Variants in IQCH observed in about 807,000 individuals in gnomAD.
IQCH encodes IQ motif containing H.
IQCH carries 98 observed loss-of-function variants against 117.0 expected under a neutral mutation model. That is an observed-to-expected ratio of 0.84 (90% CI 0.71 to 0.99). The LOEUF is 0.99. IQCH is among the 50% of genes least tolerant of loss of function. IQCH has a pLI of 0.00. For synonymous variants in IQCH, 412 were observed against 448.2 expected (o/e 0.92, Z 1.02); for missense variants, 1,102 against 1,243.8 (o/e 0.89, Z 1.72).
intron 4 of IQCH, among the ~76,000 whole-genome samples, chr15:67,307,388 A>G (rs1017190890): frequency 4.0e-5 from 6 of 151,766 alleles, no homozygotes; most frequent in Non-Finnish European, 5.9e-5. Flanking sequence ...GGGTGTACAT[A>G]GTAATCTCTC....
In IQCH at chr15:67,433,470, T is replaced by C. The variant is rs4776930; in HGVS notation, c.2505+11893T>C. 1 allele frequency among the ~76,000 whole-genome samples: 151,772 copies of C among 152,338 alleles called. 75,608 individuals carry two copies. Among genetic ancestry groups the C allele is most frequent in the Middle Eastern group, 1 (294 of 294 alleles). The stretch of plus-strand genomic sequence containing the variant: ...GAGAAATATTGAACCCAAGCCTAAA[T>C]ATCAGCTCTTGGGTAGGATTTTGGT... On this transcript the variant is annotated intron_variant, in intron 16 of 20. Coordinates refer to ENST00000335894, the MANE Select transcript of IQCH (RefSeq NM_001031715.3). The surrounding 1 kb of genome is among the most constrained non-coding windows in gnomAD (Gnocchi z 5.4).
intron 3 of IQCH, among the ~76,000 whole-genome samples, chr15:67,271,087 G>A (rs973269217): frequency 6.6e-6 from 1 of 152,148 alleles, no homozygotes; most frequent in African/African-American, 2.4e-5. Flanking sequence ...TCCTGCCTCA[G>A]CCTCCCAAGT....
intron 17 of IQCH, among the ~76,000 whole-genome samples, chr15:67,470,166 T>C (rs2083034393): frequency 6.6e-6 from 1 of 152,112 alleles, no homozygotes; most frequent in African/African-American, 2.4e-5. Flanking sequence ...GTCTTAGGGT[T>C]TTTTTGTTTG....
chr15:67,418,513 C>CCACACACACACACACACACACACACA (rs368875296), intron 15 of IQCH, among the ~76,000 whole-genome samples: 2 of 114,092 alleles, frequency 1.8e-5, no homozygotes, highest in Admixed American at 2.0e-4. Context: ...CAAGTGGCTA[C>CCACACACACACACACACACACACACA]CACACACACA....
intron 1 of IQCH, among the ~76,000 whole-genome samples, chr15:67,259,394 T>C (rs1481029099): frequency 6.6e-6 from 1 of 152,246 alleles, no homozygotes; most frequent in Non-Finnish European, 1.5e-5. Context: ...AGGGTAATTC[T>C]TTTTTATCCT....
intron 10 of IQCH, among the ~76,000 whole-genome samples, chr15:67,383,379 A>C (rs1280584432): frequency 6.6e-6 from 1 of 152,180 alleles, no homozygotes; most frequent in Non-Finnish European, 1.5e-5. Context: ...TGGAACACAG[A>C]CTTATTCACT....
intron 18 of IQCH, among the ~76,000 whole-genome samples, chr15:67,484,897 T>C (rs2083433259): frequency 6.6e-6 from 1 of 151,656 alleles, no homozygotes; most frequent in Non-Finnish European, 1.5e-5. Flanking sequence ...ATGACCATCA[T>C]CCAATTAAAA....
At chr15:67,438,621 AG>A (rs2082194319) in intron 16 of IQCH, among the ~76,000 whole-genome samples, 1 of 152,256 alleles carries the variant, frequency 6.6e-6, no homozygotes, top group South Asian at 2.1e-4. Context: ...ACAGAACTGT[AG>A]AATGGATAAG....
At position 67,366,898 on chromosome 15, in the gene IQCH, G is replaced by GA. The variant is rs950550724; in HGVS notation, c.754-5206dup. ...GTTTTCTATCTGAAAAATAGAATAC[G>GA]AAAAAAATCCCCCAGGTTTTTTTCA... is the stretch of plus-strand genomic sequence containing the variant. On this transcript the variant is annotated intron_variant, in intron 8 of 20. Transcript: ENST00000335894. This position sits in a 1 kb window ranked among gnomAD's most constrained non-coding sequence, Gnocchi z 4.4. Among the ~76,000 whole-genome samples the GA allele has an allele frequency of 7.2e-5, 11 of 152,154 alleles. No homozygotes were observed. Among genetic ancestry groups the GA allele is most frequent in the African/African-American group, 1.9e-4 (8 of 41,516 alleles).
chr15:67,295,090 T>G (rs1966844058), intron 4 of IQCH, among the ~76,000 whole-genome samples: 1 of 152,170 alleles, frequency 6.6e-6, no homozygotes, highest in Non-Finnish European at 1.5e-5. Context: ...GACGGCTATT[T>G]TAAACTTTCT....
At chr15:67,293,466 A>G (rs2140508516) in intron 4 of IQCH, among the ~76,000 whole-genome samples, 1 of 152,330 alleles carries the variant, frequency 6.6e-6, no homozygotes, top group South Asian at 2.1e-4. Context: ...GTACACTTTA[A>G]ATAATCGCTA....
intron 4 of IQCH, chr15:67,281,550 A>G: frequency 2.8e-6 from 1 of 351,266 alleles, no homozygotes; most frequent in Non-Finnish European, 5.6e-6. Flanking sequence ...GTGTAGATGC[A>G]GCCTCCTTCA....
chr15:67,388,953 G>A lies in IQCH; in HGVS notation c.1579G>A (p.Asp527Asn). The change falls in exon 12 of 21, where the codon GAC becomes AAC. Residue 527 changes from aspartate (D) to asparagine (N), a missense_variant. By Grantham distance (23) the Asp-to-Asn change is conservative (BLOSUM62 1). Around this residue, in one of 2 missense-constraint regions of IQCH, gnomAD observed 650 missense variants for 794.3 expected, o/e 0.82. Coordinates refer to ENST00000335894, the MANE Select transcript of IQCH (RefSeq NM_001031715.3). The surrounding 1 kb of genome is among the most constrained non-coding windows in gnomAD (Gnocchi z 5.5). ...VKSGNLEDRSDLQDRFKIITP... is the reference protein window; with the variant it reads ...VKSGNLEDRSNLQDRFKIITP... ...ATCTGGGAACCTTGAGGACAGAAGT[G>A]ACCTGCAGGACAGGTTCAAAATTAT... is the stretch of plus-strand genomic sequence containing the variant. 1 of 1,613,982 alleles carries A rather than the reference G, an allele frequency of 6.2e-7. No individual in the cohort carries two copies. The highest frequency in any genetic ancestry group is 8.5e-7 in the Non-Finnish European group (1 of 1,179,906).
At position 67,385,016 on chromosome 15, in the gene IQCH, T is replaced by G. The variant is rs1971065889; in HGVS notation, c.1453T>G (p.Leu485Val). 6.3e-7 allele frequency: 1 copy of G among 1,583,110 alleles called. No individual in the cohort carries two copies. Among genetic ancestry groups the G allele is most frequent in the Non-Finnish European group, 8.7e-7 (1 of 1,152,230 alleles). Residue 485 changes from leucine (L) to valine (V), a missense_variant, in exon 11 of 21, where the codon TTA (leucine) becomes GTA (valine). Leu to Val is a conservative substitution (Grantham distance 32). Around this residue, in one of 2 missense-constraint regions of IQCH, gnomAD observed 650 missense variants for 794.3 expected, o/e 0.82. Coordinates refer to ENST00000335894, the MANE Select transcript of IQCH (RefSeq NM_001031715.3). The surrounding 1 kb of genome is among the most constrained non-coding windows in gnomAD (Gnocchi z 4.6). Reference protein sequence around the residue: ...NMQLGRLCDILDANVNVIYIC... With the variant: ...NMQLGRLCDIVDANVNVIYIC... ...GCAGCTGGGGAGGCTGTGTGACATC[T>G]TAGGTACAGTAAATAGTTTTACACA...
chr15:67,271,984 C>G (rs1965915730), intron 3 of IQCH, among the ~76,000 whole-genome samples: 1 of 151,886 alleles, frequency 6.6e-6, no homozygotes, highest in Non-Finnish European at 1.5e-5. Context: ...TCTTGCTTTT[C>G]TAATTCCTGG....
chr15:67,312,356 C>G (rs1167035828), intron 4 of IQCH, among the ~76,000 whole-genome samples: 1 of 152,090 alleles, frequency 6.6e-6, no homozygotes, highest in African/African-American at 2.4e-5. Context: ...GAGAAGGGGT[C>G]TGTAGGCTTC....
chr15:67,469,618 GC>G (rs2083020070), intron 17 of IQCH, among the ~76,000 whole-genome samples: 1 of 152,194 alleles, frequency 6.6e-6, no homozygotes, highest in Non-Finnish European at 1.5e-5. Context: ...CTTACCCAAT[GC>G]CTATTTTGTG....
rs1018328518 is a variant in IQCH, at chr15:67,500,578, G to C, written c.2971-55G>C. On this transcript the variant is annotated intron_variant, in intron 20 of 20. Transcript: ENST00000335894. This position sits in a 1 kb window ranked among gnomAD's most constrained non-coding sequence, Gnocchi z 4.4. Reference sequence around the variant, plus strand: ...GAACTCCCAAAAGGACCAGATGCTTGGGGGAGAGGGATTGTAAGAGGTCTT... The same window carrying C: ...GAACTCCCAAAAGGACCAGATGCTTCGGGGAGAGGGATTGTAAGAGGTCTT... 1 of 862,900 alleles carries C rather than the reference G, an allele frequency of 1.2e-6. No individual in the cohort carries two copies. Among genetic ancestry groups the C allele is most frequent in the African/African-American group, 1.7e-5 (1 of 59,138 alleles). 53.5% of individuals were successfully genotyped at this position (862,900 alleles called of 1,614,324 possible).
At chr15:67,276,213 C>G (rs1242983534) in intron 3 of IQCH, among the ~76,000 whole-genome samples, 1 of 152,172 alleles carries the variant, frequency 6.6e-6, no homozygotes, top group Non-Finnish European at 1.5e-5. Context: ...TCTAAACACA[C>G]CATCCATAGA....
Sources: allele counts gnomAD v4.1 joint callset (sites outside exome capture counted in the v4.1 genomes callset), GRCh38; gene constraint gnomAD v4.1.1; regional missense constraint gnomAD v4.1.1; non-coding constraint Gnocchi (gnomAD v3.1); transcripts MANE v1.5; gene names NCBI Gene and HGNC (gene_info 2026-07-23, HGNC 2026-07-21).